Variants in PTPRD observed in about 807,000 individuals in gnomAD.
PTPRD encodes the protein receptor-type tyrosine-protein phosphatase delta.
A neutral mutation model predicts 214.5 loss-of-function variants in PTPRD; 34 were observed. That is an observed-to-expected ratio of 0.16 (90% CI 0.12 to 0.21). The LOEUF (loss-of-function observed/expected upper bound fraction) is 0.21. Ranked by LOEUF, PTPRD falls within the 10% of genes least tolerant of loss-of-function variation. PTPRD has a pLI of 1.00. For missense variants in PTPRD, 2,545 were observed against 2,398.7 expected (o/e 1.06, Z -1.27); for synonymous variants, 1,128 against 845.7 (o/e 1.33, Z -5.79).
intron 30 of PTPRD, among the ~76,000 whole-genome samples, chr9:8,481,648 C>T (rs967118140): frequency 3.3e-5 from 5 of 152,122 alleles, no homozygotes; most frequent in Admixed American, 3.3e-4. Context: ...TGGCTCTCTT[C>T]TTCCTATTAA....
At chr9:9,328,400 G>C (rs2040885109) in intron 9 of PTPRD, among the ~76,000 whole-genome samples, 1 of 151,894 alleles carries the variant, frequency 6.6e-6, no homozygotes, top group Admixed American at 6.6e-5. Context: ...AGTGGAGACA[G>C]CTTAATGAAT....
At chr9:9,758,349 C>G (rs182072968) in intron 6 of PTPRD, among the ~76,000 whole-genome samples, 60 of 152,146 alleles carry the variant, frequency 3.9e-4, no homozygotes, top group African/African-American at 1.4e-3. Flanking sequence ...AACCCATGTA[C>G]CTTCTCATAT....
intron 2 of PTPRD, among the ~76,000 whole-genome samples, chr9:10,470,561 A>G (rs970871970): frequency 2.0e-5 from 3 of 152,180 alleles, no homozygotes; most frequent in African/African-American, 7.2e-5. Context: ...GTGACTCCTC[A>G]GGAGAAAAAG....
intron 10 of PTPRD, among the ~76,000 whole-genome samples, chr9:9,064,143 T>A (rs572162380): frequency 6.2e-4 from 95 of 152,304 alleles, no homozygotes; most frequent in African/African-American, 2.2e-3. Flanking sequence ...ATAACTGAGC[T>A]TTACAAAACT....
chr9:9,434,637 G>C (rs112323273), intron 8 of PTPRD, among the ~76,000 whole-genome samples: 4 of 152,014 alleles, frequency 2.6e-5, no homozygotes, highest in African/African-American at 7.2e-5. Flanking sequence ...TATACAGATA[G>C]ATAAACTAAA....
intron 11 of PTPRD, among the ~76,000 whole-genome samples, chr9:8,901,294 G>A (rs974999144): frequency 2.6e-5 from 4 of 152,104 alleles, no homozygotes; most frequent in Non-Finnish European, 4.4e-5. Flanking sequence ...TAAACTGGCT[G>A]GGAAAAGTTC....
intron 7 of PTPRD, among the ~76,000 whole-genome samples, chr9:9,594,159 A>C (rs150804275): frequency 2.6e-5 from 4 of 152,208 alleles, no homozygotes; most frequent in Admixed American, 6.6e-5. Flanking sequence ...TTAAAAAATA[A>C]GCATTATAAG....
At chr9:8,497,204 A>G in intron 26 of PTPRD, 38 bp downstream of exon 26, 1 of 1,547,842 alleles carries the variant, frequency 6.5e-7, no homozygotes, top group Non-Finnish European at 8.8e-7. Flanking sequence ...ACAAGCATAT[A>G]TAGTCTGCTT....
intron 3 of PTPRD, among the ~76,000 whole-genome samples, chr9:10,100,445 A>G (rs1218810694): frequency 6.6e-6 from 1 of 151,664 alleles, no homozygotes; most frequent in Non-Finnish European, 1.5e-5. Context: ...CAGGTAGAGA[A>G]GGCAATTGCA....
chr9:9,815,128 TA>T lies in PTPRD; in HGVS notation c.-367-48278del, dbSNP rs768203152. Among the ~76,000 whole-genome samples the T allele has an allele frequency of 2.6e-4, 40 of 152,022 alleles. 1 individual carries two copies. The highest frequency in any genetic ancestry group is 2.2e-4 in the Non-Finnish European group (15 of 67,994). ...AAACTATATTACAAAGCTATAGTAA[TA>T]AAAAATATGATATTGGCATAAAAAC... On this transcript the variant is annotated intron_variant, in intron 5 of 45. Coordinates refer to ENST00000381196, the MANE Select transcript of PTPRD (RefSeq NM_002839.4).
At position 8,682,673 on chromosome 9, in the gene PTPRD, T is replaced by C. The variant is rs12340848; in HGVS notation, c.65-45829A>G. 3.9e-4 allele frequency among the ~76,000 whole-genome samples: 60 copies of C among 152,308 alleles called. No homozygotes were observed. In the South Asian group the frequency reaches 4.6e-3, roughly 12 times the overall value. On this transcript the variant is annotated intron_variant, in intron 12 of 45. Coordinates refer to ENST00000381196, the MANE Select transcript of PTPRD (RefSeq NM_002839.4). ...ATGTACAAAGCTCTTTCTTAAAACATTGAACAGAACATCACATTTAAGGAA... is the reference window on the plus strand; with the variant it reads ...ATGTACAAAGCTCTTTCTTAAAACACTGAACAGAACATCACATTTAAGGAA...
intron 2 of PTPRD, among the ~76,000 whole-genome samples, chr9:10,451,236 G>T (rs2130842487): frequency 6.6e-6 from 1 of 151,936 alleles, no homozygotes; most frequent in East Asian, 1.9e-4. Context: ...ACTGTTTCAG[G>T]TGTGCTGGGG....
rs2053709438 is a variant in PTPRD at position 9,356,204 on chromosome 9, G to T, written c.-203+41245C>A. On this transcript the variant is annotated intron_variant, in intron 9 of 45. Transcript: ENST00000381196. ...AGAGTGAATCTGGCAGAGGAAATGG[G>T]GACAAGACAATTTTGTGTATGTTTT... is the stretch of plus-strand genomic sequence containing the variant. 2.0e-5 allele frequency among the ~76,000 whole-genome samples: 3 copies of T among 151,208 alleles called. No homozygotes were observed. The Admixed American group carries it at 2.0e-4, about 10-fold the overall frequency.
At chr9:9,476,195 G>A (rs10759077) in intron 8 of PTPRD, among the ~76,000 whole-genome samples, 106,556 of 151,912 alleles carry the variant, frequency 0.7, 37,401 homozygotes, top group South Asian at 0.73. Context: ...TCAGCCGGCT[G>A]ACTCCTAGTG....
At chr9:10,205,143 ACAAGTTTTAT>A (rs1425714278) in intron 3 of PTPRD, among the ~76,000 whole-genome samples, 1 of 152,088 alleles carries the variant, frequency 6.6e-6, no homozygotes, top group Non-Finnish European at 1.5e-5. Flanking sequence ...AGAATTAACT[ACAAGTTTTAT>A]CAAGTTTATA....
chr9:8,468,472 C>A (rs1049763279), intron 31 of PTPRD, among the ~76,000 whole-genome samples: 10 of 152,040 alleles, frequency 6.6e-5, no homozygotes, highest in African/African-American at 2.4e-4. Context: ...CCAGTTTGAC[C>A]TTGACAATAG....
chr9:9,728,368 T>A (rs2098128552), intron 7 of PTPRD, among the ~76,000 whole-genome samples: 1 of 152,182 alleles, frequency 6.6e-6, no homozygotes, highest in Non-Finnish European at 1.5e-5. Flanking sequence ...TAAATTGAAA[T>A]CCTTTTAATT....
In PTPRD at chr9:8,701,231, T is replaced by C. The variant is rs1050344093; in HGVS notation, c.64+32549A>G. 113 of 152,192 alleles carry C rather than the reference T, an allele frequency of 7.4e-4. 1 individual carries two copies. The highest frequency in any genetic ancestry group is 2.6e-3 in the African/African-American group (108 of 41,450). 9.4% of individuals were successfully genotyped at this position (152,192 alleles called of 1,614,324 possible). On this transcript the variant is annotated intron_variant, in intron 12 of 45. Transcript: ENST00000381196. ...GGAAAAAAAATAAGAATCTTTTCCA[T>C]TGCTCTGGGGAGAAACAAAGTATCC... is the stretch of plus-strand genomic sequence containing the variant.
At chr9:8,958,855 T>TTA (rs957145222) in intron 11 of PTPRD, 1 of 152,120 alleles carries the variant, frequency 6.6e-6, no homozygotes, top group Admixed American at 6.6e-5. Flanking sequence ...AGAGGTAAGA[T>TTA]AATAGAGAAC....
Sources: allele counts gnomAD v4.1 joint callset (sites outside exome capture counted in the v4.1 genomes callset), GRCh38; gene constraint gnomAD v4.1.1; transcripts MANE v1.5; gene names NCBI Gene and HGNC (gene_info 2026-07-23, HGNC 2026-07-21).